The following TENT4A variants were observed in gnomAD, a reference collection of about 807,000 sequenced individuals.
TENT4A encodes terminal nucleotidyltransferase 4A.
In TENT4A, 7 loss-of-function variants were observed where a neutral mutation model predicts 72.8. The observed-to-expected ratio is 0.10, with a 90% CI of 0.05 to 0.18. The LOEUF (loss-of-function observed/expected upper bound fraction) is 0.18. TENT4A is among the 10% of genes least tolerant of loss of function. The pLI is 1.00. For synonymous variants in TENT4A, 456 were observed against 434.3 expected, an observed-to-expected ratio of 1.05 and a Z score of -0.62; for missense variants, 831 against 1,017.7, an observed-to-expected ratio of 0.82 and a Z score of 2.50.
rs550369464 is a variant in TENT4A at position 6,735,509 on chromosome 5, A to G, written c.717-2001A>G. On this transcript the variant is annotated intron_variant, in intron 1 of 12. Transcript: ENST00000230859. ...GTGGATGTTAACCTGCTAACGTGAC[A>G]TATCTAGTCCTGCTTACATTACTAA... Among the ~76,000 whole-genome samples the G allele has an allele frequency of 2.6e-5, 4 of 152,300 alleles. No individual in the cohort carries two copies. In the South Asian group the frequency reaches 8.3e-4, roughly 32 times the overall value.
At chr5:6,739,638 C>A in intron 3 of TENT4A, 94 bp from the exon 4 acceptor site, 4 of 1,483,130 alleles carry the variant, frequency 2.7e-6, no homozygotes, top group Non-Finnish European at 2.8e-6. Flanking sequence ...TTGTGGGAGA[C>A]ACAGGCACAT....
At position 6,742,596 on chromosome 5, in the gene TENT4A, A is replaced by G; in HGVS notation, c.1115A>G (p.Lys372Arg). The change falls in exon 5 of 13, where the codon AAG (lysine) becomes AGG (arginine). Residue 372 changes from lysine to arginine, a missense_variant and splice_region_variant. Transcript: ENST00000230859. Reference sequence around the variant, plus strand: ...GCGGAGTTCATCAAGAATTACATGAAGGTACTGTGCTTGGTGACCCAGCGC... The same window carrying G: ...GCGGAGTTCATCAAGAATTACATGAGGGTACTGTGCTTGGTGACCCAGCGC... Reference protein sequence around the residue: ...RAAEFIKNYMKKYSLLPYLIL... With the variant: ...RAAEFIKNYMRKYSLLPYLIL... The G allele has an allele frequency of 6.3e-7, 1 of 1,592,750 alleles. No homozygotes were observed. The highest frequency in any genetic ancestry group is 8.6e-7 in the Non-Finnish European group (1 of 1,160,490).
At chr5:6,752,689 G>GC (rs1742473596) in intron 11 of TENT4A, among the ~76,000 whole-genome samples, 184 bp from the exon 12 acceptor site, 1 of 152,230 alleles carries the variant, frequency 6.6e-6, no homozygotes, top group Admixed American at 6.5e-5. Context: ...TGCTGTTTTA[G>GC]AATACGAAGT....
chr5:6,720,000 T>C (rs1008008073), intron 1 of TENT4A, among the ~76,000 whole-genome samples: 2 of 152,188 alleles, frequency 1.3e-5, no homozygotes, highest in Non-Finnish European at 2.9e-5. Context: ...CCTGTTATTG[T>C]CAGAATTCAG....
intron 6 of TENT4A, among the ~76,000 whole-genome samples, chr5:6,744,303 C>G (rs1399647253): frequency 6.6e-6 from 1 of 152,168 alleles, no homozygotes; most frequent in African/African-American, 2.4e-5. Context: ...CCTTATTTTG[C>G]TGAGTAACAT....
In TENT4A at chr5:6,714,027, C is replaced by A; in HGVS notation, c.44C>A (p.Pro15Gln). ...VAWIQPEQKG[P>Q]ANALWMQIWE... Reference sequence around the variant, plus strand: ...TGGATCCAGCCCGAGCAGAAGGGGCCGGCCAATGCCCTGTGGATGCAGATC... The same window carrying A: ...TGGATCCAGCCCGAGCAGAAGGGGCAGGCCAATGCCCTGTGGATGCAGATC... Residue 15 changes from proline (P) to glutamine (Q), a missense_variant, in exon 1 of 13, where the codon CCG becomes CAG. Physicochemically the swap from Pro to Gln is moderately conservative, Grantham distance 76. Transcript: ENST00000230859. The A allele has an allele frequency of 1.0e-6, 1 of 986,508 alleles. No homozygotes were observed. Among genetic ancestry groups the A allele is most frequent in the Non-Finnish European group, 1.2e-6 (1 of 831,792 alleles). 61.1% of individuals were successfully genotyped at this position (986,508 alleles called of 1,614,324 possible).
At chr5:6,730,510 A>G (rs969574097) in intron 1 of TENT4A, among the ~76,000 whole-genome samples, 1 of 152,146 alleles carries the variant, frequency 6.6e-6, no homozygotes, top group African/African-American at 2.4e-5. Context: ...CTCTGTCGGT[A>G]GCTGTCAGGT....
At chr5:6,723,019 C>G (rs1294503347) in intron 1 of TENT4A, among the ~76,000 whole-genome samples, 1 of 151,362 alleles carries the variant, frequency 6.6e-6, no homozygotes. Context: ...TGTATTTAGA[C>G]AGCTCTGAAC....
intron 4 of TENT4A, 118 bp downstream of exon 4, chr5:6,739,970 T>C (rs1385775250): frequency 1.0e-6 from 1 of 990,862 alleles, no homozygotes; most frequent in Non-Finnish European, 1.5e-6. Flanking sequence ...GGCTACAGTT[T>C]TGAAGATTAA....
rs190018612 is a variant in TENT4A at position 6,755,271 on chromosome 5, C to T, written c.*326C>T. ...TTTGAGGTAGCCGTGTCTGTTCCTT[C>T]GCGGTTTGCTATTTTCATTTCCTGT... On this transcript the variant is annotated 3_prime_UTR_variant, in exon 13 of 13. Coordinates refer to ENST00000230859, the MANE Select transcript of TENT4A (RefSeq NM_006999.6). 102 of 231,394 alleles carry T rather than the reference C, an allele frequency of 4.4e-4. No individual in the cohort carries two copies. The East Asian group carries it at 5.8e-3, about 13-fold the overall frequency. The allele number at this position is 231,394 out of a possible 1,614,324, so 14.3% of individuals were successfully genotyped here. A position where few individuals can be genotyped will look rare whatever the true frequency, so the allele number is the denominator to read the frequency against.
At chr5:6,750,050 G>A (rs1204693382) in intron 9 of TENT4A, among the ~76,000 whole-genome samples, 1 of 152,136 alleles carries the variant, frequency 6.6e-6, no homozygotes, top group Non-Finnish European at 1.5e-5. Flanking sequence ...ATCCTAATTA[G>A]GATGCTAAAT....
chr5:6,723,008 A>C (rs569890994), intron 1 of TENT4A, among the ~76,000 whole-genome samples: 1 of 152,264 alleles, frequency 6.6e-6, no homozygotes, highest in African/African-American at 2.4e-5. Context: ...TTAAATGGCC[A>C]TGTATTTAGA....
At chr5:6,749,188 C>T (rs563597434) in intron 8 of TENT4A, among the ~76,000 whole-genome samples, 30 of 152,048 alleles carry the variant, frequency 2.0e-4, no homozygotes, top group South Asian at 1.9e-3. Context: ...GCTGTCTGCT[C>T]GGTGTTTTCA....
At chr5:6,730,095 G>GCCC (rs3215068) in intron 1 of TENT4A, among the ~76,000 whole-genome samples, 3 of 150,992 alleles carry the variant, frequency 2.0e-5, no homozygotes, top group Admixed American at 1.3e-4. Context: ...TTGTTTCTCC[G>GCCC]CCCCCCCCCG....
intron 2 of TENT4A, 148 bp from the exon 3 acceptor site, chr5:6,738,535 A>G: frequency 1.5e-6 from 1 of 680,132 alleles, no homozygotes; most frequent in African/African-American, 1.8e-5. Context: ...TTTCTGGTTG[A>G]TTGTTATACG....
intron 1 of TENT4A, among the ~76,000 whole-genome samples, chr5:6,715,687 T>C (rs1740340922): frequency 6.6e-6 from 1 of 152,252 alleles, no homozygotes; most frequent in Non-Finnish European, 1.5e-5. Flanking sequence ...TGGGAGTTCT[T>C]ATAGTAAACT....
chr5:6,725,923 C>T (rs528865955), intron 1 of TENT4A, among the ~76,000 whole-genome samples: 12 of 152,344 alleles, frequency 7.9e-5, no homozygotes, highest in African/African-American at 2.4e-4. Flanking sequence ...AGAGATACTG[C>T]TGAGACTAAG....
At chr5:6,735,759 C>CT (rs1159786956) in intron 1 of TENT4A, among the ~76,000 whole-genome samples, 1,732 of 139,284 alleles carry the variant, frequency 0.012, 18 homozygotes, top group African/African-American at 0.035. Context: ...TTTTTTCTTA[C>CT]TTTTTTTTTT....
intron 1 of TENT4A, among the ~76,000 whole-genome samples, chr5:6,735,346 G>T (rs1741426435): frequency 1.3e-5 from 2 of 152,188 alleles, no homozygotes; most frequent in African/African-American, 4.8e-5. Flanking sequence ...GGACAGACTT[G>T]CCAGTGCTGT....
Sources: allele counts gnomAD v4.1 joint callset (sites outside exome capture counted in the v4.1 genomes callset), GRCh38; gene constraint gnomAD v4.1.1; transcripts MANE v1.5; gene names NCBI Gene and HGNC (gene_info 2026-07-23, HGNC 2026-07-21).